MACROD2: variants seen among roughly 807,000 people sequenced by gnomAD.
The protein encoded by MACROD2 is ADP-ribose glycohydrolase MACROD2.
In MACROD2, 36 loss-of-function variants were observed where a neutral mutation model predicts 70.4. The ratio of observed to expected loss-of-function variants is 0.51; its 90% CI spans 0.39 to 0.68. MACROD2 has a LOEUF of 0.68. MACROD2 is among the 30% of genes least tolerant of loss of function. The probability of loss-of-function intolerance (pLI) is 0.00; values close to 1 mark genes in which losing one functional copy is unlikely to be tolerated. For missense variants in MACROD2, 496 were observed against 538.4 expected, an observed-to-expected ratio of 0.92 and a Z score of 0.78; for synonymous variants, 172 against 178.8, an observed-to-expected ratio of 0.96 and a Z score of 0.30.
At chr20:14,118,383 C>T (rs1821317561) in intron 3 of MACROD2, among the ~76,000 whole-genome samples, 1 of 152,188 alleles carries the variant, frequency 6.6e-6, no homozygotes, top group Admixed American at 6.5e-5. Flanking sequence ...CTGCCACTGG[C>T]ATTCTTTTGC....
intron 12 of MACROD2, among the ~76,000 whole-genome samples, chr20:15,938,940 C>A (rs1488310331): frequency 6.6e-6 from 1 of 152,206 alleles, no homozygotes; most frequent in Non-Finnish European, 1.5e-5. Context: ...GAAGATCAAA[C>A]CAGCCATAAC....
At chr20:14,298,540 C>T (rs142490627) in intron 3 of MACROD2, among the ~76,000 whole-genome samples, 1,995 of 147,412 alleles carry the variant, frequency 0.014, 28 homozygotes, top group Admixed American at 0.021. Flanking sequence ...TGCACTCCAG[C>T]CTGGGTGACA....
intron 5 of MACROD2, among the ~76,000 whole-genome samples, chr20:15,009,059 T>TTA (rs1279785859): frequency 1.3e-5 from 2 of 152,058 alleles, no homozygotes; most frequent in African/African-American, 4.8e-5. Flanking sequence ...TAAACAATGA[T>TTA]TATATATGAG....
chr20:14,104,952 A>G (rs1330134147), intron 3 of MACROD2, among the ~76,000 whole-genome samples: 1 of 152,242 alleles, frequency 6.6e-6, no homozygotes, highest in East Asian at 1.9e-4. Flanking sequence ...GGTCAATTAT[A>G]GTTTAAATAT....
At chr20:14,726,726 TA>T (rs1183805728) in intron 5 of MACROD2, among the ~76,000 whole-genome samples, 1 of 152,186 alleles carries the variant, frequency 6.6e-6, no homozygotes, top group Non-Finnish European at 1.5e-5. Context: ...TCACATCTCA[TA>T]AGTACGAAAG....
chr20:14,695,190 C>G (rs1382659427), intron 5 of MACROD2, among the ~76,000 whole-genome samples: 1 of 152,156 alleles, frequency 6.6e-6, no homozygotes, highest in Non-Finnish European at 1.5e-5. Context: ...TCAGCAGGAC[C>G]ATGCCCCATT....
At chr20:15,213,990 C>T (rs1363676486) in intron 5 of MACROD2, among the ~76,000 whole-genome samples, 1 of 152,042 alleles carries the variant, frequency 6.6e-6, no homozygotes, top group African/African-American at 2.4e-5. Flanking sequence ...ACTGATCCTT[C>T]TGCCTTGTCC....
At chr20:14,845,047 G>T (rs2073125641) in intron 5 of MACROD2, among the ~76,000 whole-genome samples, 1 of 152,010 alleles carries the variant, frequency 6.6e-6, no homozygotes, top group Non-Finnish European at 1.5e-5. Context: ...CTCATGTAAT[G>T]GTAATGGCCA....
intron 8 of MACROD2, among the ~76,000 whole-genome samples, chr20:15,574,949 C>T (rs1424617841): frequency 6.6e-6 from 1 of 152,168 alleles, no homozygotes. Flanking sequence ...AAATGTTCCT[C>T]TCCTATCTAG....
At chr20:14,866,983 AT>A (rs1409570330) in intron 5 of MACROD2, among the ~76,000 whole-genome samples, 1 of 152,042 alleles carries the variant, frequency 6.6e-6, no homozygotes, top group Non-Finnish European at 1.5e-5. Context: ...TCTAACAGTA[AT>A]TTTCCCCCCT....
In MACROD2 at chr20:16,050,017, T is replaced by C; in HGVS notation, c.*141T>C. ...AATCCTTTACTCTAATTTCTCCAGCTGCATTTTGTTCCGTTTATCTGCAGA... is the reference window on the plus strand; with the variant it reads ...AATCCTTTACTCTAATTTCTCCAGCCGCATTTTGTTCCGTTTATCTGCAGA... On this transcript the variant is annotated 3_prime_UTR_variant, in exon 18 of 18. Transcript: ENST00000684519. 1 of 652,038 alleles carries C rather than the reference T, an allele frequency of 1.5e-6. No homozygotes were observed. The highest frequency in any genetic ancestry group is 2.4e-6 in the Non-Finnish European group (1 of 413,316). The allele number at this position is 652,038 out of a possible 1,614,324, so 40.4% of individuals were successfully genotyped here.
chr20:14,621,425 T>C (rs1326429710), intron 4 of MACROD2, among the ~76,000 whole-genome samples: 4 of 152,080 alleles, frequency 2.6e-5, no homozygotes, highest in Non-Finnish European at 4.4e-5. Flanking sequence ...ATAAAAAAGA[T>C]AGGAAATGAT....
At chr20:15,694,534 A>G (rs1363984482) in intron 8 of MACROD2, among the ~76,000 whole-genome samples, 1 of 151,868 alleles carries the variant, frequency 6.6e-6, no homozygotes, top group Non-Finnish European at 1.5e-5. Flanking sequence ...TTGTCTATTC[A>G]TATTCTTAGC....
intron 5 of MACROD2, among the ~76,000 whole-genome samples, chr20:14,799,678 C>T (rs947747782): frequency 1.3e-5 from 2 of 151,898 alleles, no homozygotes; most frequent in Non-Finnish European, 2.9e-5. Context: ...GCTTCTTGGC[C>T]AGCTTCTGGG....
chr20:14,532,913 C>T (rs2085323823), intron 4 of MACROD2, among the ~76,000 whole-genome samples: 1 of 152,072 alleles, frequency 6.6e-6, no homozygotes, highest in Admixed American at 6.5e-5. Context: ...GCTATTTTTT[C>T]AGCCTTGTAT....
At chr20:15,045,804 C>T (rs1467975857) in intron 5 of MACROD2, among the ~76,000 whole-genome samples, 1 of 134,124 alleles carries the variant, frequency 7.5e-6, no homozygotes, top group Non-Finnish European at 1.5e-5. Flanking sequence ...TGAAAAATGG[C>T]CTTGTTATAA....
At chr20:15,997,477 G>A (rs749592747) in intron 15 of MACROD2, among the ~76,000 whole-genome samples, 1 of 152,012 alleles carries the variant, frequency 6.6e-6, no homozygotes, top group East Asian at 1.9e-4. Flanking sequence ...TAAATGGATA[G>A]TTTTCTTTAT....
At chr20:14,529,118 G>A (rs182847237) in intron 4 of MACROD2, among the ~76,000 whole-genome samples, 9 of 152,234 alleles carry the variant, frequency 5.9e-5, no homozygotes, top group African/African-American at 2.2e-4. Flanking sequence ...TATTAGGTAG[G>A]TTGCCTTTAC....
intron 15 of MACROD2, among the ~76,000 whole-genome samples, chr20:16,026,885 G>T (rs1319633754): frequency 6.6e-6 from 1 of 152,118 alleles, no homozygotes; most frequent in East Asian, 1.9e-4. Flanking sequence ...AAAGTCATCT[G>T]GCTGAGTTTA....
Sources: gnomAD v4.1 joint callset for allele counts (sites outside exome capture counted in the v4.1 genomes callset) on GRCh38, gnomAD v4.1.1 for gene constraint, MANE v1.5 for transcripts, NCBI Gene and HGNC (gene_info 2026-07-23, HGNC 2026-07-21) for gene names.